ITGAE: variants seen among roughly 807,000 people sequenced by gnomAD.
The protein encoded by ITGAE is integrin subunit alpha E.
A neutral mutation model predicts 136.5 loss-of-function variants in ITGAE; 99 were observed. That is an observed-to-expected ratio of 0.73 (90% CI 0.62 to 0.86). ITGAE has a LOEUF of 0.86. Ranked by LOEUF, ITGAE falls within the 40% of genes least tolerant of loss-of-function variation. The probability of loss-of-function intolerance (pLI) is 0.00; values close to 1 mark genes in which losing one functional copy is unlikely to be tolerated. For synonymous variants in ITGAE, 613 were observed against 591.8 expected (o/e 1.04, Z -0.52); for missense variants, 1,447 against 1,515.3 (o/e 0.95, Z 0.75).
At chr17:3,734,990 C>CCTAT in intron 20 of ITGAE, 41 bp from the exon 21 acceptor site, 3 of 1,611,126 alleles carry the variant, frequency 1.9e-6, no homozygotes, top group Non-Finnish European at 2.5e-6. Flanking sequence ...TTTATTTCAT[C>CCTAT]TGTAAAAACC....
At chr17:3,725,786 C>G (rs1275771768) in intron 26 of ITGAE, 1 of 1,603,486 alleles carries the variant, frequency 6.2e-7, no homozygotes, top group Non-Finnish European at 8.5e-7. Flanking sequence ...AAATGCGAAC[C>G]AAGTTGTCTT....
In ITGAE at chr17:3,714,719, TA is replaced by T; in HGVS notation, c.*127del. ...AGACACTTTTGGGACAATGTATGGT[TA>T]AAAACTAATATTCTACCAACAGCTC... On this transcript the variant is annotated 3_prime_UTR_variant, in exon 31 of 31. Coordinates refer to ENST00000263087, the MANE Select transcript of ITGAE (RefSeq NM_002208.5). 3.5e-6 allele frequency: 2 copies of T among 578,120 alleles called. No individual in the cohort carries two copies. The highest frequency in any genetic ancestry group is 4.6e-5 in the South Asian group (2 of 43,480). The allele number at this position is 578,120 out of a possible 1,614,324, so 35.8% of individuals were successfully genotyped here. A position where few individuals can be genotyped will look rare whatever the true frequency, so the allele number is the denominator to read the frequency against.
intron 26 of ITGAE, chr17:3,726,204 A>T: frequency 6.2e-7 from 1 of 1,614,178 alleles, no homozygotes; most frequent in Non-Finnish European, 8.5e-7. Context: ...GAAACAAATG[A>T]CCTTCAAGAC....
At position 3,728,122 on chromosome 17, in the gene ITGAE, T is replaced by G. The variant is rs773260964; in HGVS notation, c.2959A>C (p.Lys987Gln). The G allele has an allele frequency of 1.9e-6, 3 of 1,613,266 alleles. No individual in the cohort carries two copies. Among genetic ancestry groups the G allele is most frequent in the South Asian group, 2.2e-5 (2 of 91,066 alleles). Reference protein sequence around the residue: ...VNTGQGLSHHKEFLFHVHGEN... With the variant: ...VNTGQGLSHHQEFLFHVHGEN... ...GTACTTACATGGAAGAGGAATTCTTTGTGGTGAGAAAGCCCCTGGCCTGTG... is the reference window on the plus strand; with the variant it reads ...GTACTTACATGGAAGAGGAATTCTTGGTGGTGAGAAAGCCCCTGGCCTGTG... Residue 987 changes from lysine to glutamine, a missense_variant, in exon 25 of 31, where the codon AAA becomes CAA. By Grantham distance (53) the Lys-to-Gln change is moderately conservative (BLOSUM62 1). Coordinates refer to ENST00000263087, the MANE Select transcript of ITGAE (RefSeq NM_002208.5).
intron 3 of ITGAE, 124 bp from the exon 4 acceptor site, chr17:3,762,106 A>C (rs141855044): frequency 2.8e-6 from 2 of 724,950 alleles, no homozygotes; most frequent in Non-Finnish European, 4.7e-6. Context: ...GGCCACTCAG[A>C]GAAGCCTCTA....
intron 17 of ITGAE, among the ~76,000 whole-genome samples, chr17:3,746,547 C>T (rs988735196): frequency 2.0e-5 from 3 of 152,000 alleles, no homozygotes; most frequent in Non-Finnish European, 4.4e-5. Context: ...GCTCCGCCTC[C>T]CGGGTTCACA....
intron 16 of ITGAE, among the ~76,000 whole-genome samples, chr17:3,749,448 T>G (rs972898903): frequency 3.3e-5 from 5 of 151,970 alleles, no homozygotes; most frequent in Admixed American, 3.3e-4. Flanking sequence ...GAGATGAGGT[T>G]TCACCGTGTT....
Position 3,732,434 on chromosome 17 carries a change from A to G in ITGAE, c.2688T>C (p.Pro896=). Reference sequence around the variant, plus strand: ...TGATCAGGACAGAAGCAACCGGCTGAGGGTCATCACACTGAATGTTTGGAG... The same window carrying G: ...TGATCAGGACAGAAGCAACCGGCTGGGGGTCATCACACTGAATGTTTGGAG... ...PPSPNIQCDD[P]QPVASVLIMN... The change falls in exon 22 of 31, where the codon CCT becomes CCC. Residue 896 remains proline (P), a synonymous_variant. Transcript: ENST00000263087. 1 of 1,614,174 alleles carries G rather than the reference A, an allele frequency of 6.2e-7. No individual in the cohort carries two copies. The highest frequency in any genetic ancestry group is 2.2e-5 in the East Asian group (1 of 44,880).
chr17:3,728,370 T>A, intron 24 of ITGAE: 1 of 108,118 alleles, frequency 9.2e-6, no homozygotes, highest in Non-Finnish European at 1.7e-5. Flanking sequence ...ACTCATCCCT[T>A]TTTTTTTTTT....
Position 3,757,154 on chromosome 17 carries a change from C to T in ITGAE, c.1021-20G>A. On this transcript the variant is annotated intron_variant, in intron 9 of 30. Transcript: ENST00000263087. ...TCCCACCTGCACAGACAGCCTGGGT[C>T]AGCGAGTCAGCGCTGCGTGGATTCC... 2 of 1,611,570 alleles carry T rather than the reference C, an allele frequency of 1.2e-6. No individual in the cohort carries two copies. Among genetic ancestry groups the T allele is most frequent in the Non-Finnish European group, 1.7e-6 (2 of 1,178,566 alleles).
chr17:3,726,165 T>C (rs754002148), intron 26 of ITGAE: 1 of 1,614,202 alleles, frequency 6.2e-7, no homozygotes, highest in East Asian at 2.2e-5. Context: ...TAATGTGCTC[T>C]GGTTACATTA....
rs1264999080 is a variant in ITGAE at position 3,799,929 on chromosome 17, AC to A, written c.34+1181del. Among the ~76,000 whole-genome samples, 1 of 152,094 alleles carries A rather than the reference AC, an allele frequency of 6.6e-6. No homozygotes were observed. Among genetic ancestry groups the A allele is most frequent in the Non-Finnish European group, 1.5e-5 (1 of 68,014 alleles). ...CACCTGAGGGCAGGAGACCAGCCTG[AC>A]CAATATGGTGAGACCCTGTCTCTAC... On this transcript the variant is annotated intron_variant, in intron 1 of 30. Transcript: ENST00000263087. This position sits in a 1 kb window ranked among gnomAD's most constrained non-coding sequence, Gnocchi z 4.1.
chr17:3,797,357 G>A (rs2053142323), intron 1 of ITGAE, among the ~76,000 whole-genome samples: 1 of 151,204 alleles, frequency 6.6e-6, no homozygotes, highest in South Asian at 2.1e-4. Context: ...AGTAGAGACG[G>A]AGTTTCACTG....
At chr17:3,717,642 AGGTCAGG>A (rs2050967937) in intron 29 of ITGAE, 1 of 152,154 alleles carries the variant, frequency 6.6e-6, no homozygotes, top group Non-Finnish European at 1.5e-5. Context: ...TTAAGCACCA[AGGTCAGG>A]GGTGCTTTGG....
At chr17:3,759,926 G>A (rs1449112009) in intron 7 of ITGAE, among the ~76,000 whole-genome samples, 1 of 152,124 alleles carries the variant, frequency 6.6e-6, no homozygotes, top group African/African-American at 2.4e-5. Context: ...AAGTTGGGCT[G>A]GCCTGCTAAA....
chr17:3,761,178 C>G lies in ITGAE; in HGVS notation c.434-1G>C. On this transcript the variant is annotated splice_acceptor_variant, in intron 5 of 30. Transcript: ENST00000263087. LOFTEE classifies it high-confidence loss of function. Reference sequence around the variant, plus strand: ...CGTGCATCTGGATCCAGGAGATTTTCTTTAAAAACACACATGGAAGAGCTC... The same window carrying G: ...CGTGCATCTGGATCCAGGAGATTTTGTTTAAAAACACACATGGAAGAGCTC... 6.3e-7 allele frequency: 1 copy of G among 1,585,700 alleles called. No homozygotes were observed. Among genetic ancestry groups the G allele is most frequent in the Non-Finnish European group, 8.6e-7 (1 of 1,162,972 alleles).
At chr17:3,751,227 T>C (rs564217753) in intron 15 of ITGAE, among the ~76,000 whole-genome samples, 19 of 151,500 alleles carry the variant, frequency 1.3e-4, no homozygotes, top group Non-Finnish European at 2.4e-4. Flanking sequence ...GAAGTGCCTG[T>C]TAATACATGC....
intron 28 of ITGAE, chr17:3,720,672 C>T (rs1363830484): frequency 7.7e-6 from 2 of 258,504 alleles, no homozygotes; most frequent in East Asian, 1.0e-4. Context: ...ACCTCCACCC[C>T]GTCAGGTTCA....
chr17:3,755,115 A>ATCAGGTGGCCCCGCCCTCAC lies in ITGAE; in HGVS notation c.1384+1_1384+2insGTGAGGGCGGGGCCACCTGA. On this transcript the variant is annotated splice_donor_variant, in intron 12 of 30. Transcript: ENST00000263087. LOFTEE classifies it high-confidence loss of function. ...GCCCTCATCAGGTGGCCCCGCCCTC[A>ATCAGGTGGCCCCGCCCTCAC]CCCAGGTAGCTGTACTGCGCAGCCT... 1 of 1,574,322 alleles carries ATCAGGTGGCCCCGCCCTCAC rather than the reference A, an allele frequency of 6.4e-7. No individual in the cohort carries two copies. Among genetic ancestry groups the ATCAGGTGGCCCCGCCCTCAC allele is most frequent in the Non-Finnish European group, 8.6e-7 (1 of 1,161,998 alleles).
Sources: allele counts gnomAD v4.1 joint callset (sites outside exome capture counted in the v4.1 genomes callset), GRCh38; gene constraint gnomAD v4.1.1; non-coding constraint Gnocchi (gnomAD v3.1); transcripts MANE v1.5; gene names NCBI Gene and HGNC (gene_info 2026-07-23, HGNC 2026-07-21).